The following SYN3 variants were observed in gnomAD, a reference collection of about 807,000 sequenced individuals.
SYN3 encodes synapsin-3.
Under a neutral mutation model 65.8 loss-of-function variants are expected in SYN3, and 35 were observed. The observed-to-expected ratio is 0.53, with a 90% CI of 0.41 to 0.70. The LOEUF (loss-of-function observed/expected upper bound fraction) is 0.70, where lower values mean the gene tolerates loss of function less well. Among genes scored for constraint, SYN3 ranks in the 30% least tolerant of loss-of-function variants. The probability of loss-of-function intolerance (pLI) is 0.00; values close to 1 mark genes in which losing one functional copy is unlikely to be tolerated. For missense variants in SYN3, 680 were observed against 749.0 expected (o/e 0.91, Z 1.08); for synonymous variants, 270 against 292.9 (o/e 0.92, Z 0.80).
intron 7 of SYN3, among the ~76,000 whole-genome samples, chr22:32,586,809 G>C (rs2059050777): frequency 6.6e-6 from 1 of 152,214 alleles, no homozygotes; most frequent in Non-Finnish European, 1.5e-5. Context: ...TGTGTATGTT[G>C]CATTTGTGGA....
chr22:32,702,604 A>G (rs138448625), intron 6 of SYN3, among the ~76,000 whole-genome samples: 2 of 152,236 alleles, frequency 1.3e-5, no homozygotes, highest in African/African-American at 4.8e-5. Flanking sequence ...AGATCTTCTG[A>G]TATCCACTTA....
At chr22:32,901,898 G>A (rs1390950086) in intron 4 of SYN3, among the ~76,000 whole-genome samples, 2 of 152,242 alleles carry the variant, frequency 1.3e-5, no homozygotes, top group Non-Finnish European at 2.9e-5. Flanking sequence ...GCTGGCTGGA[G>A]CTGAAGCTAC....
intron 6 of SYN3, among the ~76,000 whole-genome samples, chr22:32,853,657 C>T (rs1287294452): frequency 1.3e-5 from 2 of 152,198 alleles, no homozygotes; most frequent in Admixed American, 6.5e-5. Flanking sequence ...TCTAAACCAG[C>T]TTTAACTACT....
intron 6 of SYN3, among the ~76,000 whole-genome samples, chr22:32,645,238 G>C (rs1032448376): frequency 8.5e-5 from 13 of 152,116 alleles, no homozygotes; most frequent in African/African-American, 3.1e-4. Context: ...GATCACCTGA[G>C]GTCGGGAGTT....
chr22:32,806,778 CA>C (rs1220605583), intron 6 of SYN3, among the ~76,000 whole-genome samples: 1 of 146,212 alleles, frequency 6.8e-6, no homozygotes, highest in African/African-American at 2.5e-5. Flanking sequence ...TTCTATTTAT[CA>C]TTTATCATCT....
chr22:32,552,734 A>C (rs1256990437), intron 7 of SYN3, among the ~76,000 whole-genome samples: 1 of 152,212 alleles, frequency 6.6e-6, no homozygotes, highest in Non-Finnish European at 1.5e-5. Context: ...TCTTGCAATA[A>C]AATCATATGA....
At chr22:32,975,112 C>A (rs183776868) in intron 3 of SYN3, among the ~76,000 whole-genome samples, 8 of 152,262 alleles carry the variant, frequency 5.3e-5, no homozygotes, top group African/African-American at 1.9e-4. Flanking sequence ...TGCGGTGGCT[C>A]ATGCCTGTAA....
At chr22:32,859,342 C>G (rs1337907303) in intron 6 of SYN3, 1 of 1,613,164 alleles carries the variant, frequency 6.2e-7, no homozygotes, top group Non-Finnish European at 8.5e-7. Context: ...ATGGGCCCCC[C>G]CGGATAAAAG....
chr22:32,823,218 C>T (rs188032182), intron 6 of SYN3, among the ~76,000 whole-genome samples: 1 of 152,312 alleles, frequency 6.6e-6, no homozygotes, highest in African/African-American at 2.4e-5. Context: ...TAGGCGCCAC[C>T]TTCTGGCTCC....
chr22:32,543,697 T>C (rs911048083), intron 7 of SYN3, among the ~76,000 whole-genome samples: 12 of 152,258 alleles, frequency 7.9e-5, no homozygotes, highest in African/African-American at 2.9e-4. Flanking sequence ...CAGTCTGTCG[T>C]GCGGGTAGAT....
chr22:32,893,498 C>T (rs1292863742), intron 4 of SYN3, among the ~76,000 whole-genome samples: 1 of 152,170 alleles, frequency 6.6e-6, no homozygotes, highest in Non-Finnish European at 1.5e-5. Flanking sequence ...GTCAACCCTT[C>T]AGTAGAGTCT....
chr22:32,851,464 C>T (rs2048215636), intron 6 of SYN3, among the ~76,000 whole-genome samples: 1 of 152,130 alleles, frequency 6.6e-6, no homozygotes, highest in Non-Finnish European at 1.5e-5. Flanking sequence ...CACTTGCTAG[C>T]CTATCAGCAT....
rs571914317 is a variant in SYN3, at chr22:32,849,806, A to G, written c.711+15109T>C. On this transcript the variant is annotated intron_variant, in intron 6 of 13. Transcript: ENST00000358763. ...TGAGCTCTGGAGCCAGATGGCAGAT[A>G]GCCTTGTTAGCTCGTAACCATGAGA... Among the ~76,000 whole-genome samples, 10 of 152,282 alleles carry G rather than the reference A, an allele frequency of 6.6e-5. No homozygotes were observed. The East Asian group carries it at 1.9e-3, about 30-fold the overall frequency.
In SYN3 at chr22:32,679,839, C is replaced by CTTTTTTTTTTTTTTTTTTTTTT. The variant is rs747116076; in HGVS notation, c.712-83104_712-83103insAAAAAAAAAAAAAAAAAAAAAA. Among the ~76,000 whole-genome samples, 152 of 39,136 alleles carry CTTTTTTTTTTTTTTTTTTTTTT rather than the reference C, an allele frequency of 3.9e-3. 20 individuals carry two copies. Among genetic ancestry groups the CTTTTTTTTTTTTTTTTTTTTTT allele is most frequent in the East Asian group, 7.2e-3 (8 of 1,106 alleles). The allele number at this position is 39,136 out of a possible 152,430, so 25.7% of individuals were successfully genotyped here. A position where few individuals can be genotyped will look rare whatever the true frequency, so the allele number is the denominator to read the frequency against. On this transcript the variant is annotated intron_variant, in intron 6 of 13. Transcript: ENST00000358763. ...AAACTGGGTGAGGTTTGTTTTTTGG[C>CTTTTTTTTTTTTTTTTTTTTTT]TTTTTTTTTTTTTTTTTTTGCTATT...
chr22:32,627,845 T>C (rs2059691013), intron 6 of SYN3, among the ~76,000 whole-genome samples: 1 of 124,792 alleles, frequency 8.0e-6, no homozygotes, highest in Admixed American at 7.2e-5. Context: ...TGTTTTTGTT[T>C]TGAGACAGAG....
intron 6 of SYN3, among the ~76,000 whole-genome samples, chr22:32,731,726 G>C (rs1364735293): frequency 6.6e-6 from 1 of 152,164 alleles, no homozygotes; most frequent in Non-Finnish European, 1.5e-5. Context: ...ATCCTCCACG[G>C]TTAATGACAA....
intron 3 of SYN3, among the ~76,000 whole-genome samples, chr22:32,959,621 T>G (rs1185773099): frequency 1.3e-5 from 2 of 152,022 alleles, no homozygotes; most frequent in African/African-American, 4.8e-5. Context: ...TTTTTTCTCC[T>G]TGAGACTCGG....
At chr22:32,715,673 G>A (rs1003470715) in intron 6 of SYN3, among the ~76,000 whole-genome samples, 1 of 151,678 alleles carries the variant, frequency 6.6e-6, no homozygotes, top group African/African-American at 2.4e-5. Context: ...CCAGTTACTC[G>A]GGAGGCTGAG....
intron 4 of SYN3, among the ~76,000 whole-genome samples, chr22:32,882,931 C>G (rs1165544529): frequency 2.0e-5 from 3 of 152,094 alleles, no homozygotes; most frequent in Non-Finnish European, 4.4e-5. Context: ...CCTCTAAGCC[C>G]TTGCTTCTCT....
Sources: allele counts gnomAD v4.1 joint callset (sites outside exome capture counted in the v4.1 genomes callset), GRCh38; gene constraint gnomAD v4.1.1; transcripts MANE v1.5; gene names NCBI Gene and HGNC (gene_info 2026-07-23, HGNC 2026-07-21).